The following TAFA1 variants were observed in gnomAD, a reference collection of about 807,000 sequenced individuals.
TAFA1 encodes the protein TAFA chemokine like family member 1, also known as chemokine-like protein TAFA-1.
A neutral mutation model predicts 18.5 loss-of-function variants in TAFA1; 4 were observed. That is an observed-to-expected ratio of 0.22 (90% CI 0.11 to 0.49). The LOEUF (loss-of-function observed/expected upper bound fraction) is 0.49. Ranked by LOEUF, TAFA1 falls within the 20% of genes least tolerant of loss-of-function variation. The pLI, the probability that TAFA1 is intolerant of heterozygous loss-of-function variation, is 0.98. For missense variants in TAFA1, 147 were observed against 169.0 expected (o/e 0.87, Z 0.72); for synonymous variants, 56 against 55.2 (o/e 1.01, Z -0.06).
In TAFA1 at chr3:68,146,756, G is replaced by T. The variant is rs2065745577; in HGVS notation, c.118+140012G>T. 2.6e-5 allele frequency among the ~76,000 whole-genome samples: 4 copies of T among 152,178 alleles called. No individual in the cohort carries two copies. The South Asian group carries it at 8.3e-4, about 32-fold the overall frequency. ...ATTTATAACTGAGGTTGAGAGGTCT[G>T]CCAGGGTAAGCATAGGAAATTCTAA... On this transcript the variant is annotated intron_variant, in intron 2 of 4. Coordinates refer to ENST00000478136, the MANE Select transcript of TAFA1 (RefSeq NM_213609.4).
At chr3:68,264,233 G>A (rs925002077) in intron 2 of TAFA1, among the ~76,000 whole-genome samples, 14 of 152,098 alleles carry the variant, frequency 9.2e-5, no homozygotes, top group African/African-American at 3.4e-4. Flanking sequence ...TCACACCACC[G>A]CACTCCAGCC....
chr3:68,451,830 T>C (rs1348953843), intron 3 of TAFA1, among the ~76,000 whole-genome samples: 1 of 152,136 alleles, frequency 6.6e-6, no homozygotes, highest in Non-Finnish European at 1.5e-5. Context: ...CATTCCAAAA[T>C]GAGACAGGGA....
chr3:68,471,653 A>T (rs1197820320), intron 3 of TAFA1, among the ~76,000 whole-genome samples: 1 of 152,186 alleles, frequency 6.6e-6, no homozygotes, highest in Admixed American at 6.5e-5. Flanking sequence ...TATCCTAGCC[A>T]TGCTGGCTGC....
chr3:68,510,539 A>G (rs1199259023), intron 3 of TAFA1, among the ~76,000 whole-genome samples: 1 of 152,138 alleles, frequency 6.6e-6, no homozygotes, highest in Non-Finnish European at 1.5e-5. Flanking sequence ...TCCCAGTTGC[A>G]TGTTTTGGGG....
chr3:68,015,558 G>A (rs549252104), intron 2 of TAFA1, among the ~76,000 whole-genome samples: 2 of 152,136 alleles, frequency 1.3e-5, no homozygotes, highest in Non-Finnish European at 2.9e-5. Context: ...AACGTGCTGG[G>A]ATTATAGGCG....
chr3:68,469,470 C>T (rs528026770), intron 3 of TAFA1, among the ~76,000 whole-genome samples: 110 of 152,184 alleles, frequency 7.2e-4, no homozygotes, highest in Non-Finnish European at 1.1e-3. Context: ...GTCAGGAGAT[C>T]GAGACCATCC....
At chr3:68,327,621 G>A (rs2068797693) in intron 2 of TAFA1, among the ~76,000 whole-genome samples, 1 of 152,130 alleles carries the variant, frequency 6.6e-6, no homozygotes, top group Admixed American at 6.5e-5. Flanking sequence ...AAGATTAGAT[G>A]GGTCAATTCA....
intron 2 of TAFA1, among the ~76,000 whole-genome samples, chr3:68,305,675 G>GA (rs1399230601): frequency 6.6e-6 from 1 of 151,738 alleles, no homozygotes; most frequent in African/African-American, 2.4e-5. Context: ...TCAGGGGATG[G>GA]AAAGAAAGTG....
At chr3:68,352,640 T>C (rs1351855628) in intron 2 of TAFA1, among the ~76,000 whole-genome samples, 3 of 152,032 alleles carry the variant, frequency 2.0e-5, no homozygotes, top group African/African-American at 7.2e-5. Context: ...TGTCTTTAGC[T>C]CAATAATATT....
At chr3:68,293,227 G>GA (rs1402751430) in intron 2 of TAFA1, among the ~76,000 whole-genome samples, 1 of 152,134 alleles carries the variant, frequency 6.6e-6, no homozygotes, top group Non-Finnish European at 1.5e-5. Flanking sequence ...GCAGCATGTT[G>GA]AAATAGCATC....
chr3:68,056,527 G>T (rs1048638767), intron 2 of TAFA1, among the ~76,000 whole-genome samples: 1 of 152,080 alleles, frequency 6.6e-6, no homozygotes, highest in African/African-American at 2.4e-5. Flanking sequence ...GATGCAAAAC[G>T]CTTTAATATG....
At chr3:68,517,809 T>C (rs2072946705) in intron 3 of TAFA1, among the ~76,000 whole-genome samples, 1 of 152,138 alleles carries the variant, frequency 6.6e-6, no homozygotes, top group African/African-American at 2.4e-5. Context: ...TATCTTTGAT[T>C]TGTCACAGCA....
intron 2 of TAFA1, among the ~76,000 whole-genome samples, chr3:68,106,595 C>G (rs146242375): frequency 1.3e-4 from 20 of 152,128 alleles, no homozygotes. Flanking sequence ...GTAAATTAAG[C>G]TTTATGAATA....
chr3:68,158,847 A>G (rs1270571735), intron 2 of TAFA1, among the ~76,000 whole-genome samples: 1 of 152,208 alleles, frequency 6.6e-6, no homozygotes, highest in South Asian at 2.1e-4. Flanking sequence ...GGCATTTTGC[A>G]TATACTGAAA....
At chr3:68,042,954 C>G (rs1420175473) in intron 2 of TAFA1, among the ~76,000 whole-genome samples, 4 of 152,248 alleles carry the variant, frequency 2.6e-5, no homozygotes, top group African/African-American at 9.6e-5. Context: ...GTGGCACGGT[C>G]TCGGCTCACT....
At chr3:68,425,881 G>T (rs1022049238) in intron 3 of TAFA1, among the ~76,000 whole-genome samples, 1 of 151,728 alleles carries the variant, frequency 6.6e-6, no homozygotes, top group Non-Finnish European at 1.5e-5. Context: ...GCCTTTAAAT[G>T]GGACACTCCA....
chr3:68,445,103 T>G (rs898716297), intron 3 of TAFA1, among the ~76,000 whole-genome samples: 1 of 152,142 alleles, frequency 6.6e-6, no homozygotes, highest in African/African-American at 2.4e-5. Flanking sequence ...AAACAAAACT[T>G]AGACATGCTG....
intron 2 of TAFA1, among the ~76,000 whole-genome samples, chr3:68,243,948 G>A (rs2067034802): frequency 6.6e-6 from 1 of 152,068 alleles, no homozygotes; most frequent in African/African-American, 2.4e-5. Flanking sequence ...ACCAGCATTT[G>A]GTGTGATCAC....
intron 2 of TAFA1, among the ~76,000 whole-genome samples, chr3:68,345,069 A>G (rs1294046723): frequency 1.3e-4 from 19 of 151,904 alleles, no homozygotes. Flanking sequence ...CTAGTGCCTC[A>G]TTCATATTTA....
Sources: gnomAD v4.1 joint callset for allele counts (sites outside exome capture counted in the v4.1 genomes callset) on GRCh38, gnomAD v4.1.1 for gene constraint, MANE v1.5 for transcripts, NCBI Gene and HGNC (gene_info 2026-07-23, HGNC 2026-07-21) for gene names.